Variants in LRRC36 observed in about 807,000 individuals in gnomAD.
LRRC36 encodes leucine-rich repeat-containing protein 36.
A neutral mutation model predicts 81.1 loss-of-function variants in LRRC36; 62 were observed. The observed-to-expected ratio is 0.76, with a 90% CI of 0.62 to 0.94. The LOEUF is 0.94. Among genes scored for constraint, LRRC36 ranks in the 40% least tolerant of loss-of-function variants. The pLI is 0.00. For missense variants in LRRC36, 761 were observed against 881.7 expected (o/e 0.86, Z 1.73); for synonymous variants, 334 against 348.6 (o/e 0.96, Z 0.47).
intron 5 of LRRC36, among the ~76,000 whole-genome samples, chr16:67,361,861 C>T (rs2039161539): frequency 6.6e-6 from 1 of 152,174 alleles, no homozygotes; most frequent in African/African-American, 2.4e-5. Context: ...GCCACCATGC[C>T]TGGCCCTAAC....
chr16:67,353,160 C>T (rs934117109), intron 5 of LRRC36, among the ~76,000 whole-genome samples: 1 of 152,002 alleles, frequency 6.6e-6, no homozygotes, highest in Non-Finnish European at 1.5e-5. Context: ...TAAACATGTC[C>T]AAAATAACCC....
chr16:67,350,750 T>TATGCCAG (rs2038589125), intron 5 of LRRC36, among the ~76,000 whole-genome samples: 1 of 152,122 alleles, frequency 6.6e-6, no homozygotes, highest in Non-Finnish European at 1.5e-5. Context: ...CTAAAGTGGT[T>TATGCCAG]ATGCCAGGCT....
chr16:67,381,180 C>T lies in LRRC36; in HGVS notation c.1931-953C>T, dbSNP rs142444346. 1.7e-3 allele frequency among the ~76,000 whole-genome samples: 255 copies of T among 148,404 alleles called. 2 individuals are homozygous for T. The East Asian group carries it at 0.021, about 12-fold the overall frequency. On this transcript the variant is annotated intron_variant, in intron 12 of 13. Coordinates refer to ENST00000329956, the MANE Select transcript of LRRC36 (RefSeq NM_018296.6). The stretch of plus-strand genomic sequence containing the variant: ...TGGAGGTTGCAGTGAGCTGAGATCC[C>T]GCCATTGCACTTCAGCCAGCCTGGG...
intron 1 of LRRC36, among the ~76,000 whole-genome samples, chr16:67,341,313 A>G (rs551070879): frequency 6.8e-6 from 1 of 146,524 alleles, no homozygotes; most frequent in South Asian, 2.2e-4. Context: ...ACTATAGACT[A>G]TAGACTATAT....
At chr16:67,360,702 A>G (rs1385872349) in intron 5 of LRRC36, among the ~76,000 whole-genome samples, 1 of 152,206 alleles carries the variant, frequency 6.6e-6, no homozygotes, top group Non-Finnish European at 1.5e-5. Flanking sequence ...ATTCAGAAAT[A>G]GAAGGCATCT....
intron 4 of LRRC36, chr16:67,348,470 T>A (rs2038459199): frequency 6.6e-6 from 1 of 152,132 alleles, no homozygotes; most frequent in South Asian, 2.1e-4. Flanking sequence ...CTTTTTTTTT[T>A]TCTTTTTGAG....
chr16:67,343,140 G>T (rs967449829), intron 2 of LRRC36, among the ~76,000 whole-genome samples: 3 of 152,194 alleles, frequency 2.0e-5, no homozygotes, highest in Non-Finnish European at 2.9e-5. Flanking sequence ...TTAGTTCAGA[G>T]TTGCTTAGGT....
In LRRC36 at chr16:67,371,052, C is replaced by G; in HGVS notation, c.1304C>G (p.Pro435Arg). 1 of 1,614,176 alleles carries G rather than the reference C, an allele frequency of 6.2e-7. No homozygotes were observed. Among genetic ancestry groups the G allele is most frequent in the African/African-American group, 1.3e-5 (1 of 75,032 alleles). ...TTAACACCAGCACATGGTTCTGTCC[C>G]AAACAACGCTGTCCTGGGAAACAGG... Reference protein sequence around the residue: ...DDLTPAHGSVPNNAVLGNRTT... With the variant: ...DDLTPAHGSVRNNAVLGNRTT... Residue 435 changes from proline (P) to arginine (R), a missense_variant, in exon 9 of 14, where the codon CCA (proline) becomes CGA (arginine). By Grantham distance (103) the Pro-to-Arg change is moderately radical (BLOSUM62 -2). This residue lies in a region of LRRC36 where 359 missense variants were observed against 388.4 expected (regional missense o/e 0.92). Coordinates refer to ENST00000329956, the MANE Select transcript of LRRC36 (RefSeq NM_018296.6).
At chr16:67,378,762 G>A (rs1276295081) in intron 12 of LRRC36, 50 bp downstream of exon 12, 1 of 1,592,510 alleles carries the variant, frequency 6.3e-7, no homozygotes, top group Non-Finnish European at 8.6e-7. Flanking sequence ...ACAACTGTTT[G>A]TTTATAGATG....
At chr16:67,354,375 T>G (rs2038801577) in intron 5 of LRRC36, among the ~76,000 whole-genome samples, 1 of 152,116 alleles carries the variant, frequency 6.6e-6, no homozygotes, top group Non-Finnish European at 1.5e-5. Flanking sequence ...CCTCCCGGGT[T>G]CAAGTGATTC....
In LRRC36 at chr16:67,346,420, A is replaced by T; in HGVS notation, c.363A>T (p.Val121=). The T allele has an allele frequency of 6.2e-7, 1 of 1,603,806 alleles. No individual in the cohort carries two copies. Among genetic ancestry groups the T allele is most frequent in the Non-Finnish European group, 8.5e-7 (1 of 1,173,848 alleles). ...RKDTDYRLFA[V]YTLQTLEKLD... The stretch of plus-strand genomic sequence containing the variant: ...ATACAGATTATAGGCTCTTTGCTGT[A>T]TATACACTACAAACTCTGGAGAAAT... The change falls in exon 3 of 14, where the codon GTA becomes GTT. Residue 121 remains valine (V), a synonymous_variant. Coordinates refer to ENST00000329956, the MANE Select transcript of LRRC36 (RefSeq NM_018296.6).
At chr16:67,344,050 C>T (rs1468175558) in intron 2 of LRRC36, among the ~76,000 whole-genome samples, 1 of 152,072 alleles carries the variant, frequency 6.6e-6, no homozygotes, top group Non-Finnish European at 1.5e-5. Context: ...CTCCTGACCT[C>T]AGGTGATCTG....
intron 12 of LRRC36, among the ~76,000 whole-genome samples, chr16:67,379,711 T>A (rs1354698534): frequency 6.6e-6 from 1 of 152,114 alleles, no homozygotes; most frequent in African/African-American, 2.4e-5. Flanking sequence ...TCTCAAAAAA[T>A]AATAATAATA....
In LRRC36 at chr16:67,340,142, CAATA is replaced by C. The variant is rs1271631571; in HGVS notation, c.71-1801_71-1798del. On this transcript the variant is annotated intron_variant, in intron 1 of 13. Transcript: ENST00000329956. The stretch of plus-strand genomic sequence containing the variant: ...GGGTGACAAGAGTGAGATTCCATCT[CAATA>C]AATAAATAAATAATAAAATAAAATA... Among the ~76,000 whole-genome samples, 4 of 151,900 alleles carry C rather than the reference CAATA, an allele frequency of 2.6e-5. No homozygotes were observed. In the East Asian group the frequency reaches 7.8e-4, roughly 29 times the overall value.
chr16:67,331,228 G>C (rs2037476656), intron 1 of LRRC36, among the ~76,000 whole-genome samples: 1 of 152,178 alleles, frequency 6.6e-6, no homozygotes, highest in African/African-American at 2.4e-5. Flanking sequence ...ACCTCGCAGT[G>C]CTGTTACATT....
chr16:67,331,084 AG>A, intron 1 of LRRC36, among the ~76,000 whole-genome samples: 1 of 148,916 alleles, frequency 6.7e-6, no homozygotes, highest in Admixed American at 6.6e-5. Context: ...AGAGAGAGAG[AG>A]AGAGAGAGAG....
chr16:67,371,313 G>A lies in LRRC36; in HGVS notation c.1494+71G>A, dbSNP rs770196706. ...CGAGACCAGAATGAGGGTTCTGTTG[G>A]GAATGGAGGTGGTTCTGACCAACAG... On this transcript the variant is annotated intron_variant, in intron 9 of 13. Transcript: ENST00000329956. 7.7e-6 allele frequency: 12 copies of A among 1,568,136 alleles called. No individual in the cohort carries two copies. The African/African-American group carries it at 1.6e-4, about 21-fold the overall frequency.
intron 13 of LRRC36, among the ~76,000 whole-genome samples, chr16:67,384,583 C>T (rs1437342947): frequency 6.6e-6 from 1 of 152,186 alleles, no homozygotes; most frequent in Non-Finnish European, 1.5e-5. Context: ...CCCAAGGCTT[C>T]TACTTACCTC....
chr16:67,363,272 G>A (rs1429418975), intron 5 of LRRC36, among the ~76,000 whole-genome samples: 2 of 152,192 alleles, frequency 1.3e-5, no homozygotes, highest in African/African-American at 4.8e-5. Flanking sequence ...CTTAGGAAAT[G>A]TGCAAAATAT....
Sources: allele counts gnomAD v4.1 joint callset (sites outside exome capture counted in the v4.1 genomes callset), GRCh38; gene constraint gnomAD v4.1.1; regional missense constraint gnomAD v4.1.1; transcripts MANE v1.5; gene names NCBI Gene and HGNC (gene_info 2026-07-23, HGNC 2026-07-21).